Variants in HPN observed in about 807,000 individuals in gnomAD.
HPN encodes hepsin.
HPN carries 13 observed loss-of-function variants against 55.9 expected under a neutral mutation model. That is an observed-to-expected ratio of 0.23 (90% confidence interval 0.15 to 0.37). The LOEUF (loss-of-function observed/expected upper bound fraction) is 0.37, where lower values mean the gene tolerates loss of function less well. Among genes scored for constraint, HPN ranks in the 10% least tolerant of loss-of-function variants. The pLI is 1.00. For synonymous variants in HPN, 225 were observed against 240.3 expected, an observed-to-expected ratio of 0.94 and a Z score of 0.59; for missense variants, 451 against 575.8, an observed-to-expected ratio of 0.78 and a Z score of 2.22.
At chr19:35,049,548 A>C in intron 4 of HPN, 32 bp downstream of exon 4, 2 of 1,576,454 alleles carry the variant, frequency 1.3e-6, no homozygotes, top group Non-Finnish European at 1.7e-6. Context: ...CCTCTGGGGG[A>C]GCCCTGGAGG....
chr19:35,065,446 G>A, intron 10 of HPN, 93 bp from the exon 11 acceptor site: 5 of 1,568,338 alleles, frequency 3.2e-6, no homozygotes, highest in Non-Finnish European at 4.4e-6. Context: ...ACCATGAGGA[G>A]TAGGGACGCT....
At chr19:35,046,541 A>G (rs933595602) in intron 2 of HPN, among the ~76,000 whole-genome samples, 82 of 152,234 alleles carry the variant, frequency 5.4e-4, no homozygotes, top group African/African-American at 1.8e-3. Context: ...CACCATGCCC[A>G]GCCTGAGCTC....
Position 35,066,388 on chromosome 19 carries a change from C to G in HPN, c.*101C>G. The G allele has an allele frequency of 6.8e-7, 1 of 1,470,130 alleles. No homozygotes were observed. Among genetic ancestry groups the G allele is most frequent in the Non-Finnish European group, 9.2e-7 (1 of 1,088,214 alleles). 91.1% of individuals were successfully genotyped at this position (1,470,130 alleles called of 1,614,324 possible). ...GGACGTTTTTCTTCTTGGGCCCGGT[C>G]CACAGGTCCAAGGACACCCTCCCTC... On this transcript the variant is annotated 3_prime_UTR_variant, in exon 13 of 13. Transcript: ENST00000672452.
chr19:35,060,234 C>T (rs981407718), intron 7 of HPN, 65 bp downstream of exon 7: 2 of 1,608,880 alleles, frequency 1.2e-6, no homozygotes, highest in East Asian at 2.2e-5. Flanking sequence ...CCCTCAAGCT[C>T]CCCAGGATGG....
chr19:35,060,012 G>A lies in HPN; in HGVS notation c.413+16G>A, dbSNP rs1474791469. 6.2e-7 allele frequency: 1 copy of A among 1,600,068 alleles called. No individual in the cohort carries two copies. The highest frequency in any genetic ancestry group is 1.7e-5 in the Admixed American group (1 of 59,234). On this transcript the variant is annotated intron_variant, in intron 6 of 12. Transcript: ENST00000672452. The stretch of plus-strand genomic sequence containing the variant: ...TCTCCGTGTGGTGAGGAGGGCAGCG[G>A]GCAGGTGGGGCAACACCTCAGACCC...
intron 2 of HPN, among the ~76,000 whole-genome samples, chr19:35,045,057 G>A (rs1020065074): frequency 6.6e-6 from 1 of 152,028 alleles, no homozygotes; most frequent in African/African-American, 2.4e-5. Flanking sequence ...ACATTGGGGA[G>A]ACATTCTGGG....
At position 35,066,393 on chromosome 19, in the gene HPN, G is replaced by A; in HGVS notation, c.*106G>A. ...TTTTTCTTCTTGGGCCCGGTCCACA[G>A]GTCCAAGGACACCCTCCCTCCAGGG... On this transcript the variant is annotated 3_prime_UTR_variant, in exon 13 of 13. Transcript: ENST00000672452. 2.1e-6 allele frequency: 3 copies of A among 1,459,654 alleles called. No individual in the cohort carries two copies. The highest frequency in any genetic ancestry group is 2.8e-6 in the Non-Finnish European group (3 of 1,080,756). The allele number at this position is 1,459,654 out of a possible 1,614,324, so 90.4% of individuals were successfully genotyped here. A position where few individuals can be genotyped will look rare whatever the true frequency, so the allele number is the denominator to read the frequency against.
At chr19:35,044,020 G>T (rs980140277) in intron 2 of HPN, among the ~76,000 whole-genome samples, 3 of 152,240 alleles carry the variant, frequency 2.0e-5, no homozygotes, top group Non-Finnish European at 4.4e-5. Context: ...TTCCGATTCT[G>T]CACTTACTTG....
intron 2 of HPN, among the ~76,000 whole-genome samples, chr19:35,044,692 A>G (rs943704561): frequency 6.6e-6 from 1 of 152,184 alleles, no homozygotes; most frequent in Non-Finnish European, 1.5e-5. Context: ...AATCTCTGAA[A>G]GCCATGCTTA....
intron 2 of HPN, among the ~76,000 whole-genome samples, chr19:35,047,950 G>T (rs144508498): frequency 3.4e-5 from 5 of 147,516 alleles, no homozygotes; most frequent in Non-Finnish European, 6.0e-5. Context: ...TGATCGCGCC[G>T]CTGCACTCCA....
rs1016562134 is a variant in HPN, at chr19:35,059,556, G to A, written c.161-117G>A. ...GGGGGCTGCAACCCTCCGATGGGCT[G>A]GGGTTCACGTCTACACCACATGGCT... On this transcript the variant is annotated intron_variant, in intron 4 of 12. Coordinates refer to ENST00000672452, the MANE Select transcript of HPN (RefSeq NM_001384133.1). 2.1e-5 allele frequency: 28 copies of A among 1,304,540 alleles called. No homozygotes were observed. The African/African-American group carries it at 4.1e-4, about 19-fold the overall frequency. 80.8% of individuals were successfully genotyped at this position (1,304,540 alleles called of 1,614,324 possible). A position where few individuals can be genotyped will look rare whatever the true frequency, so the allele number is the denominator to read the frequency against.
intron 4 of HPN, among the ~76,000 whole-genome samples, chr19:35,054,444 T>C (rs2064435485): frequency 6.8e-6 from 1 of 146,842 alleles, no homozygotes. Context: ...ACCGAAGTGG[T>C]CACTATCTCC....
intron 4 of HPN, among the ~76,000 whole-genome samples, chr19:35,057,233 TG>T (rs1346727707): frequency 6.6e-6 from 1 of 152,110 alleles, no homozygotes; most frequent in Non-Finnish European, 1.5e-5. Context: ...GAGACCAGCC[TG>T]GCCAACATGG....
chr19:35,040,669 G>A (rs1016172910), upstream of HPN: 1 of 153,304 alleles, frequency 6.5e-6, no homozygotes, highest in African/African-American at 2.4e-5. Context: ...CGAGGCTGAT[G>A]CTGGGGTGCA....
intron 9 of HPN, 60 bp downstream of exon 9, chr19:35,060,877 G>C: frequency 7.1e-7 from 1 of 1,414,794 alleles, no homozygotes. Context: ...ACAGAGGAGG[G>C]GACCAGGGGC....
chr19:35,060,664 G>C lies in HPN; in HGVS notation c.658G>C (p.Gly220Arg). The change falls in exon 9 of 13, where the codon GGT (glycine) becomes CGT (arginine). Residue 220 changes from glycine (G) to arginine (R), a missense_variant. Physicochemically the swap from Gly to Arg is moderately radical, Grantham distance 125. Transcript: ENST00000672452. The stretch of plus-strand genomic sequence containing the variant: ...CCTGTCCCGATGGCGAGTGTTTGCC[G>C]GTGCCGTGGCCCAGGCCTCTCCCCA... ...RVLSRWRVFA[G>R]AVAQASPHGL... 1 of 1,614,128 alleles carries C rather than the reference G, an allele frequency of 6.2e-7. No homozygotes were observed. Among genetic ancestry groups the C allele is most frequent in the Non-Finnish European group, 8.5e-7 (1 of 1,180,034 alleles).
chr19:35,042,634 A>G lies in HPN; in HGVS notation c.16+112A>G, dbSNP rs565462241. 2.5e-5 allele frequency: 18 copies of G among 729,606 alleles called. No homozygotes were observed. The South Asian group carries it at 3.0e-4, about 12-fold the overall frequency. 45.2% of individuals were successfully genotyped at this position (729,606 alleles called of 1,614,324 possible). ...CCCCCTCTCTCTGGGCACCCCTCCCAGATGCATCCCCACCCCTGTTAGTCC... is the reference window on the plus strand; with the variant it reads ...CCCCCTCTCTCTGGGCACCCCTCCCGGATGCATCCCCACCCCTGTTAGTCC... On this transcript the variant is annotated intron_variant, in intron 2 of 12. Coordinates refer to ENST00000672452, the MANE Select transcript of HPN (RefSeq NM_001384133.1).
At chr19:35,055,368 G>A (rs760571457) in intron 4 of HPN, among the ~76,000 whole-genome samples, 68 of 150,602 alleles carry the variant, frequency 4.5e-4, no homozygotes, top group Non-Finnish European at 8.3e-4. Flanking sequence ...CTGCACTCCA[G>A]CCTGGGTGGT....
At chr19:35,065,704 C>T (rs778152888) in intron 11 of HPN, 23 bp downstream of exon 11, 2 of 1,612,988 alleles carry the variant, frequency 1.2e-6, no homozygotes, top group South Asian at 2.2e-5. Flanking sequence ...GTAGGGGCAG[C>T]CCCCTGGTCG....
Sources: gnomAD v4.1 joint callset for allele counts (sites outside exome capture counted in the v4.1 genomes callset) on GRCh38, gnomAD v4.1.1 for gene constraint, MANE v1.5 for transcripts, NCBI Gene and HGNC (gene_info 2026-07-23, HGNC 2026-07-21) for gene names.